The following DPP7 variants were observed in gnomAD, a reference collection of about 807,000 sequenced individuals.
The protein encoded by DPP7 is dipeptidyl peptidase 2.
DPP7 carries 74 observed loss-of-function variants against 58.8 expected under a neutral mutation model. The observed-to-expected ratio is 1.26, with a 90% CI of 1.04 to 1.53. The LOEUF is 1.53. DPP7 is among the 40% of genes most tolerant of loss of function. The pLI is 0.00. For missense variants in DPP7, 807 were observed against 692.3 expected, an observed-to-expected ratio of 1.17 and a Z score of -1.86; for synonymous variants, 350 against 303.6, an observed-to-expected ratio of 1.15 and a Z score of -1.59.
chr9:137,110,665 G>GC lies in DPP7; in HGVS notation c.1461dup (p.Pro488AlafsTer?), dbSNP rs11391519. 5.9e-3 allele frequency: 9,506 copies of GC among 1,609,792 alleles called. 395 individuals are homozygous for GC. In the African/African-American group the frequency reaches 0.098, roughly 17 times the overall value. On this transcript the variant is annotated frameshift_variant, in exon 13 of 13. Transcript: ENST00000371579. LOFTEE classifies it low-confidence loss of function (END_TRUNC). The stretch of plus-strand genomic sequence containing the variant: ...TCCTGTGCTCAGAGGCTGAGTCTGG[G>GC]CCCCCCACGCAGAGCTGGCTGCTGC...
intron 4 of DPP7, 26 bp from the exon 5 acceptor site, chr9:137,113,522 C>T (rs1831483726): frequency 6.6e-7 from 1 of 1,525,002 alleles, no homozygotes; most frequent in African/African-American, 1.4e-5. Flanking sequence ...AGGGTTAGGG[C>T]TGCTGCCCCC....
chr9:137,111,797 G>T, intron 10 of DPP7, 43 bp from the exon 11 acceptor site: 3 of 1,613,454 alleles, frequency 1.9e-6, no homozygotes, highest in Non-Finnish European at 2.5e-6. Context: ...CCCTCACGGG[G>T]GCTGTGAGCC....
Position 137,113,852 on chromosome 9 carries a change from G to T in DPP7, c.485+13C>A. 6.6e-7 allele frequency: 1 copy of T among 1,504,398 alleles called. No individual in the cohort carries two copies. The allele number at this position is 1,504,398 out of a possible 1,614,324, so 93.2% of individuals were successfully genotyped here. A position where few individuals can be genotyped will look rare whatever the true frequency, so the allele number is the denominator to read the frequency against. On this transcript the variant is annotated intron_variant, in intron 4 of 12. Coordinates refer to ENST00000371579, the MANE Select transcript of DPP7 (RefSeq NM_013379.3). ...GGGAGGGAGGGGGTGCGGAGGCCGG[G>T]GGAGGCGCCCACCTTCCACCGAAGG...
At chr9:137,112,562 C>T in intron 8 of DPP7, 183 bp downstream of exon 8, 1 of 787,872 alleles carries the variant, frequency 1.3e-6, no homozygotes, top group Non-Finnish European at 2.0e-6. Flanking sequence ...TGAGAGGGTC[C>T]CCAGGGACGG....
At chr9:137,115,625 C>G (rs1306145297), upstream of DPP7, among the ~76,000 whole-genome samples, 1 of 152,160 alleles carries the variant, frequency 6.6e-6, no homozygotes, top group East Asian at 1.9e-4. Flanking sequence ...CCTGCCCATC[C>G]TGTGTGGGGC....
upstream of DPP7, among the ~76,000 whole-genome samples, chr9:137,116,966 G>A (rs1303395304): frequency 6.6e-6 from 1 of 152,184 alleles, no homozygotes; most frequent in Non-Finnish European, 1.5e-5. Context: ...AGCTATTTGT[G>A]ACACAGATGC....
At position 137,113,014 on chromosome 9, in the gene DPP7, GC is replaced by G; in HGVS notation, c.808del (p.Ala270ProfsTer2). On this transcript the variant is annotated frameshift_variant, in exon 7 of 13. Transcript: ENST00000371579. LOFTEE classifies it high-confidence loss of function. ...AGTGGGGTAGGGGTAGTCCATCATG[GC>G]CAGCACGGTGAAGGCATTCCGGGCG... ...MFARNAFTVL[A>X]MMDYPYPTDF... is the part of the protein sequence containing the mutation. 3 of 1,613,800 alleles carry G rather than the reference GC, an allele frequency of 1.9e-6. No individual in the cohort carries two copies. The highest frequency in any genetic ancestry group is 2.5e-6 in the Non-Finnish European group (3 of 1,180,022).
upstream of DPP7, among the ~76,000 whole-genome samples, chr9:137,115,345 AGGG>A (rs1225432761): frequency 1.3e-5 from 2 of 152,140 alleles, no homozygotes; most frequent in Non-Finnish European, 2.9e-5. Context: ...TGCAGGGACA[AGGG>A]GGGACCAGAG....
chr9:137,112,486 C>T (rs1831419993), intron 8 of DPP7: 2 of 627,470 alleles, frequency 3.2e-6, no homozygotes, highest in South Asian at 2.0e-5. Flanking sequence ...TGTTGCCCTC[C>T]ATGCTGGGGA....
rs367853938 is a variant in DPP7 at position 137,113,422 on chromosome 9, G to C, written c.560C>G (p.Ala187Gly). 5.0e-6 allele frequency: 8 copies of C among 1,607,078 alleles called. No homozygotes were observed. The highest frequency in any genetic ancestry group is 4.0e-5 in the African/African-American group (3 of 74,818). Residue 187 changes from alanine (A) to glycine (G), a missense_variant, in exon 5 of 13, where the codon GCG (alanine) becomes GGG (glycine). Ala to Gly is a moderately conservative substitution (Grantham distance 60). This residue lies in a region of DPP7 where 624 missense variants were observed against 531.2 expected (regional missense o/e 1.17). Transcript: ENST00000371579. ...HLVAGALAASAPVLAVAGLGD... is the reference protein window; with the variant it reads ...HLVAGALAASGPVLAVAGLGD... Reference sequence around the variant, plus strand: ...GAGGCCTGCCACAGCTAGAACGGGCGCGCTGGCCGCCAGCGCCCCCGCCAC... The same window carrying C: ...GAGGCCTGCCACAGCTAGAACGGGCCCGCTGGCCGCCAGCGCCCCCGCCAC...
At chr9:137,112,435 C>T in intron 8 of DPP7, 2 of 626,294 alleles carry the variant, frequency 3.2e-6, no homozygotes, top group Non-Finnish European at 2.8e-6. Context: ...TGTTGAGGGC[C>T]CCCCCGCTCT....
At position 137,110,615 on chromosome 9, in the gene DPP7, A is replaced by G. The variant is rs767888757; in HGVS notation, c.*33T>C. On this transcript the variant is annotated 3_prime_UTR_variant, in exon 13 of 13. Coordinates refer to ENST00000371579, the MANE Select transcript of DPP7 (RefSeq NM_013379.3). ...GCTGCTTGAGTGAAGCCCCCACTCC[A>G]TGAGGAGCCTTGAGACCCCTCCAGT... is the stretch of plus-strand genomic sequence containing the variant. 16 of 1,597,676 alleles carry G rather than the reference A, an allele frequency of 1.0e-5. No individual in the cohort carries two copies. Among genetic ancestry groups the G allele is most frequent in the Non-Finnish European group, 1.4e-5 (16 of 1,172,620 alleles).
upstream of DPP7, among the ~76,000 whole-genome samples, chr9:137,116,332 G>C (rs1831635377): frequency 6.6e-6 from 1 of 152,250 alleles, no homozygotes; most frequent in African/African-American, 2.4e-5. Context: ...ATGCTGTATG[G>C]AATCAAGGTT....
At chr9:137,111,035 AG>A in intron 11 of DPP7, 85 bp from the exon 12 acceptor site, 2 of 1,355,290 alleles carry the variant, frequency 1.5e-6, no homozygotes, top group East Asian at 2.5e-5. Context: ...GAGACGTGAG[AG>A]GGCGAGCCGA....
At chr9:137,111,322 C>T (rs7470483) in intron 11 of DPP7, among the ~76,000 whole-genome samples, 16,162 of 66,546 alleles carry the variant, frequency 0.24, 911 homozygotes, top group African/African-American at 0.43. Context: ...AGGGTAGGGG[C>T]AGGCGAGGGG....
chr9:137,112,958 C>G lies in DPP7; in HGVS notation c.865G>C (p.Val289Leu), dbSNP rs371140971. The stretch of plus-strand genomic sequence containing the variant: ...CCTGGGAGGCGGCGCCTCACCTTGA[C>G]GGGGTTGGCAGGGAGGGGACCCAGG... The part of the protein sequence containing the change: ...DFLGPLPANP[V>L]KVGCDRLLSE... The change falls in exon 7 of 13, where the codon GTC becomes CTC. Residue 289 changes from valine (V) to leucine (L), a missense_variant. Coordinates refer to ENST00000371579, the MANE Select transcript of DPP7 (RefSeq NM_013379.3). The G allele has an allele frequency of 4.3e-6, 7 of 1,613,316 alleles. No individual in the cohort carries two copies. Among genetic ancestry groups the G allele is most frequent in the Non-Finnish European group, 5.9e-6 (7 of 1,179,948 alleles).
chr9:137,112,092 G>C lies in DPP7; in HGVS notation c.1050+20C>G. 2 of 1,612,006 alleles carry C rather than the reference G, an allele frequency of 1.2e-6. No individual in the cohort carries two copies. The highest frequency in any genetic ancestry group is 1.7e-6 in the Non-Finnish European group (2 of 1,179,498). ...CCACCCTTGCCCCCGAGTGGTTCCA[G>C]GCCACCCACACCCCCACACCTGGTA... On this transcript the variant is annotated intron_variant, in intron 9 of 12. Transcript: ENST00000371579.
chr9:137,116,865 TG>T (rs1831653609), upstream of DPP7, among the ~76,000 whole-genome samples: 1 of 152,218 alleles, frequency 6.6e-6, no homozygotes, highest in Non-Finnish European at 1.5e-5. Context: ...GCGGCAATGC[TG>T]CTCTGTTACT....
Position 137,111,853 on chromosome 9 carries a change from C to T in DPP7, c.1207+20G>A. The T allele has an allele frequency of 6.2e-7, 1 of 1,610,310 alleles. No homozygotes were observed. The highest frequency in any genetic ancestry group is 8.5e-7 in the Non-Finnish European group (1 of 1,177,908). ...TCGGGGCAGAAAGCAGGACGCTGGCCCACCCCCCCTCAGCCTTACCACCCC... is the reference window on the plus strand; with the variant it reads ...TCGGGGCAGAAAGCAGGACGCTGGCTCACCCCCCCTCAGCCTTACCACCCC... On this transcript the variant is annotated intron_variant, in intron 10 of 12. Transcript: ENST00000371579.
Sources: allele counts gnomAD v4.1 joint callset (sites outside exome capture counted in the v4.1 genomes callset), GRCh38; gene constraint gnomAD v4.1.1; regional missense constraint gnomAD v4.1.1; transcripts MANE v1.5; gene names NCBI Gene and HGNC (gene_info 2026-07-23, HGNC 2026-07-21).